The following HS6ST3 variants were observed in gnomAD, a reference collection of about 807,000 sequenced individuals.
HS6ST3 encodes the protein heparan sulfate 6-O-sulfotransferase 3.
HS6ST3 carries 12 observed loss-of-function variants against 36.7 expected under a neutral mutation model. The ratio of observed to expected loss-of-function variants is 0.33; its 90% CI spans 0.21 to 0.53. The LOEUF is 0.53. HS6ST3 is among the 20% of genes least tolerant of loss of function. The pLI, the probability that HS6ST3 is intolerant of heterozygous loss-of-function variation, is 0.95. For synonymous variants in HS6ST3, 240 were observed against 257.5 expected (o/e 0.93, Z 0.65); for missense variants, 584 against 640.9 (o/e 0.91, Z 0.96).
At chr13:96,831,025 G>A (rs1232182337) in intron 1 of HS6ST3, among the ~76,000 whole-genome samples, 2 of 152,160 alleles carry the variant, frequency 1.3e-5, no homozygotes, top group Non-Finnish European at 2.9e-5. Flanking sequence ...GAAAGATGGG[G>A]TTGGGGTGGG....
At chr13:96,159,213 A>G (rs1232482500) in intron 1 of HS6ST3, among the ~76,000 whole-genome samples, 1 of 152,202 alleles carries the variant, frequency 6.6e-6, no homozygotes, top group Non-Finnish European at 1.5e-5. Flanking sequence ...TCCCTCCAAG[A>G]CAGGAAGGAA....
intron 1 of HS6ST3, among the ~76,000 whole-genome samples, chr13:96,142,320 A>G (rs2054035954): frequency 6.6e-6 from 1 of 152,152 alleles, no homozygotes; most frequent in Non-Finnish European, 1.5e-5. Context: ...TTTCTCACTT[A>G]TTTTTAGTGG....
At chr13:96,739,949 A>T (rs562844912) in intron 1 of HS6ST3, among the ~76,000 whole-genome samples, 89 of 152,150 alleles carry the variant, frequency 5.8e-4, no homozygotes, top group Admixed American at 1.1e-3. Context: ...TTTCCCAATA[A>T]CCACAGTGCT....
chr13:96,238,730 C>T (rs1459738830), intron 1 of HS6ST3, among the ~76,000 whole-genome samples: 8 of 152,210 alleles, frequency 5.3e-5, no homozygotes, highest in African/African-American at 1.2e-4. Flanking sequence ...TTGTCCCCTC[C>T]GATCACTGTT....
intron 1 of HS6ST3, among the ~76,000 whole-genome samples, chr13:96,138,819 A>T (rs1199765370): frequency 6.6e-6 from 1 of 152,154 alleles, no homozygotes. Flanking sequence ...AAAAAATGAT[A>T]TAAAATTATA....
intron 1 of HS6ST3, among the ~76,000 whole-genome samples, chr13:96,445,867 T>G (rs2055695548): frequency 7.1e-6 from 1 of 140,822 alleles, no homozygotes; most frequent in Non-Finnish European, 1.5e-5. Flanking sequence ...AGACTCTGTC[T>G]CAAAAAAATG....
chr13:96,624,161 GTA>G (rs1177405069), intron 1 of HS6ST3, among the ~76,000 whole-genome samples: 6 of 151,928 alleles, frequency 3.9e-5, no homozygotes, highest in Admixed American at 2.6e-4. Context: ...ACAGGTGTGT[GTA>G]TATATATATT....
intron 1 of HS6ST3, among the ~76,000 whole-genome samples, chr13:96,247,137 A>C (rs1594730359): frequency 6.6e-6 from 1 of 151,976 alleles, no homozygotes; most frequent in Admixed American, 6.6e-5. Flanking sequence ...TAAAATCTTA[A>C]CTTTCAAGAG....
At position 96,527,136 on chromosome 13, in the gene HS6ST3, G is replaced by C. The variant is rs755747480; in HGVS notation, c.708-305354G>C. Among the ~76,000 whole-genome samples the C allele has an allele frequency of 4.5e-4, 68 of 151,550 alleles. 1 individual carries two copies. Among genetic ancestry groups the C allele is most frequent in the Non-Finnish European group, 5.7e-4 (39 of 67,924 alleles). On this transcript the variant is annotated intron_variant, in intron 1 of 1. Transcript: ENST00000376705. The stretch of plus-strand genomic sequence containing the variant: ...AACGGTGTCTTGCTGGGTCACCCAG[G>C]CTGGTTGCAGTGGAACAATCACGGC...
chr13:96,677,543 T>G (rs1463248618), intron 1 of HS6ST3, among the ~76,000 whole-genome samples: 1 of 152,188 alleles, frequency 6.6e-6, no homozygotes, highest in East Asian at 1.9e-4. Context: ...TATGTGTGTG[T>G]GTATATGGAT....
At chr13:96,267,444 C>T (rs2054697950) in intron 1 of HS6ST3, among the ~76,000 whole-genome samples, 1 of 152,092 alleles carries the variant, frequency 6.6e-6, no homozygotes, top group South Asian at 2.1e-4. Flanking sequence ...ATCTTTAAAT[C>T]TAATAAATTT....
Position 96,105,391 on chromosome 13 carries a change from C to T in HS6ST3, c.707+13822C>T, listed in dbSNP as rs1483864512. On this transcript the variant is annotated intron_variant, in intron 1 of 1. Transcript: ENST00000376705. The stretch of plus-strand genomic sequence containing the variant: ...ATAGGCCAGGCACAATGGCTCACAC[C>T]TATAATCCCGGCACTTTGGGAGGCT... Among the ~76,000 whole-genome samples, 4 of 152,166 alleles carry T rather than the reference C, an allele frequency of 2.6e-5. No homozygotes were observed. In the East Asian group the frequency reaches 7.7e-4, roughly 29 times the overall value.
At chr13:96,549,523 C>A (rs938073220) in intron 1 of HS6ST3, among the ~76,000 whole-genome samples, 2 of 152,052 alleles carry the variant, frequency 1.3e-5, no homozygotes, top group South Asian at 2.1e-4. Flanking sequence ...TAGAAGTAAT[C>A]AAAAATACTA....
chr13:96,231,819 A>T (rs1424978634), intron 1 of HS6ST3, among the ~76,000 whole-genome samples: 1 of 152,200 alleles, frequency 6.6e-6, no homozygotes, highest in Non-Finnish European at 1.5e-5. Flanking sequence ...TTAGATGAAG[A>T]CTGCTGATAG....
intron 1 of HS6ST3, among the ~76,000 whole-genome samples, chr13:96,414,362 C>T: frequency 6.6e-6 from 1 of 152,216 alleles, no homozygotes; most frequent in East Asian, 1.9e-4. Context: ...TATCATTAGT[C>T]TGACCTTTTA....
At chr13:96,485,458 G>T (rs1044315127) in intron 1 of HS6ST3, among the ~76,000 whole-genome samples, 4 of 152,020 alleles carry the variant, frequency 2.6e-5, no homozygotes, top group Non-Finnish European at 5.9e-5. Flanking sequence ...TGCTGTAATT[G>T]TCTACAAGTT....
intron 1 of HS6ST3, among the ~76,000 whole-genome samples, chr13:96,782,077 A>C (rs1014512198): frequency 6.6e-6 from 1 of 152,214 alleles, no homozygotes; most frequent in Admixed American, 6.5e-5. Flanking sequence ...ATATATTTGC[A>C]TCTGAAATTA....
intron 1 of HS6ST3, among the ~76,000 whole-genome samples, chr13:96,570,728 A>G (rs1450519639): frequency 6.6e-6 from 1 of 152,232 alleles, no homozygotes; most frequent in Admixed American, 6.5e-5. Context: ...ACCAAAGAGT[A>G]GCAGAAATAT....
chr13:96,427,980 C>T (rs1024050101), intron 1 of HS6ST3, among the ~76,000 whole-genome samples: 2 of 152,042 alleles, frequency 1.3e-5, no homozygotes, highest in Non-Finnish European at 2.9e-5. Context: ...AGTAATGTAC[C>T]CTTTTCAATA....
Sources: allele counts gnomAD v4.1 joint callset (sites outside exome capture counted in the v4.1 genomes callset), GRCh38; gene constraint gnomAD v4.1.1; transcripts MANE v1.5; gene names NCBI Gene and HGNC (gene_info 2026-07-23, HGNC 2026-07-21).